The following SLC22A9 variants were observed in gnomAD, a reference collection of about 807,000 sequenced individuals.
SLC22A9 encodes solute carrier family 22 member 9.
SLC22A9 carries 64 observed loss-of-function variants against 50.1 expected under a neutral mutation model. The observed-to-expected ratio is 1.28, with a 90% confidence interval of 1.04 to 1.57. SLC22A9 has a LOEUF of 1.57. SLC22A9 is among the 40% of genes most tolerant of loss of function. The pLI, the probability that SLC22A9 is intolerant of heterozygous loss-of-function variation, is 0.00. For missense variants in SLC22A9, 757 were observed against 676.1 expected (o/e 1.12, Z -1.33); for synonymous variants, 261 against 242.5 (o/e 1.08, Z -0.71).
chr11:63,374,072 TG>T lies in SLC22A9; in HGVS notation c.830+11del, dbSNP rs1160749257. ...TCTTTCTGACCTCAAGGTATGAGTTTGTTTCTTCTTTTGTCTTAATGAGATA... is the reference window on the plus strand; with the variant it reads ...TCTTTCTGACCTCAAGGTATGAGTTTTTTCTTCTTTTGTCTTAATGAGATA... On this transcript the variant is annotated intron_variant, in intron 4 of 9. Transcript: ENST00000279178. 6.3e-7 allele frequency: 1 copy of T among 1,597,594 alleles called. No individual in the cohort carries two copies. The highest frequency in any genetic ancestry group is 1.3e-5 in the African/African-American group (1 of 74,238).
rs576893392 is a variant in SLC22A9 at position 63,388,554 on chromosome 11, G to C, written c.1073+6277G>C. On this transcript the variant is annotated intron_variant, in intron 6 of 9. Transcript: ENST00000279178. ...AGTAATAATTAATCATTGTTTTAAT[G>C]TGTTGTTGAATTCAGTTTTCTAGTA... 3.4e-3 allele frequency among the ~76,000 whole-genome samples: 522 copies of C among 151,998 alleles called. 4 individuals are homozygous for C. Among genetic ancestry groups the C allele is most frequent in the African/African-American group, 0.012 (494 of 41,450 alleles).
chr11:63,403,156 A>G (rs2014978357), intron 6 of SLC22A9, among the ~76,000 whole-genome samples: 1 of 152,148 alleles, frequency 6.6e-6, no homozygotes, highest in Non-Finnish European at 1.5e-5. Context: ...AAAGAATTCC[A>G]TATTAATCCA....
chr11:63,370,726 T>C (rs2014340245), intron 1 of SLC22A9, among the ~76,000 whole-genome samples: 3 of 152,208 alleles, frequency 2.0e-5, no homozygotes, highest in Admixed American at 1.3e-4. Context: ...GTTAAAATGT[T>C]CTGCTAGGTC....
chr11:63,392,424 A>G (rs756510488), intron 6 of SLC22A9, among the ~76,000 whole-genome samples: 16 of 151,792 alleles, frequency 1.1e-4, no homozygotes, highest in African/African-American at 3.6e-4. Context: ...ATCCCTCAGT[A>G]TTTGTTTTTC....
In SLC22A9 at chr11:63,370,204, TG is replaced by T; in HGVS notation, c.151del (p.Val51SerfsTer23). On this transcript the variant is annotated frameshift_variant, in exon 1 of 10. Transcript: ENST00000279178. LOFTEE classifies it high-confidence loss of function. ...TGCATTCATACCTGGCCATCGCTGC[TG>T]GGTCCACATCCTGGACAATGACACT... ...FTAFIPGHRC[W>X]VHILDNDTVS... 1.9e-6 allele frequency: 3 copies of T among 1,614,080 alleles called. No individual in the cohort carries two copies. The highest frequency in any genetic ancestry group is 2.5e-6 in the Non-Finnish European group (3 of 1,179,932).
chr11:63,399,584 C>T (rs953819856), intron 6 of SLC22A9, among the ~76,000 whole-genome samples: 2 of 152,002 alleles, frequency 1.3e-5, no homozygotes, highest in African/African-American at 4.8e-5. Context: ...AGATAGACCC[C>T]AGTACAAAAA....
chr11:63,373,787 C>T lies in SLC22A9; in HGVS notation c.650C>T (p.Thr217Ile), dbSNP rs1306891183. Residue 217 changes from threonine (T) to isoleucine (I), a missense_variant, in exon 3 of 10, where the codon ACT (threonine) becomes ATT (isoleucine). Transcript: ENST00000279178. Reference sequence around the variant, plus strand: ...GCTGCAATGAGCCTCATAACAAATACTATTATGTTAAGTAAGCCAACACTT... The same window carrying T: ...GCTGCAATGAGCCTCATAACAAATATTATTATGTTAAGTAAGCCAACACTT... The part of the protein sequence containing the change: ...GIAAMSLITN[T>I]IMLIAEWATH... 2 of 1,608,642 alleles carry T rather than the reference C, an allele frequency of 1.2e-6. No homozygotes were observed. Among genetic ancestry groups the T allele is most frequent in the Non-Finnish European group, 1.7e-6 (2 of 1,177,858 alleles).
intron 4 of SLC22A9, among the ~76,000 whole-genome samples, chr11:63,374,854 GT>G (rs562474564): frequency 1.6e-4 from 25 of 152,192 alleles, no homozygotes; most frequent in African/African-American, 5.1e-4. Context: ...GAGCTGCATG[GT>G]TTCTTCAATT....
intron 8 of SLC22A9, 92 bp downstream of exon 8, chr11:63,408,312 A>C (rs1302973178): frequency 6.1e-6 from 6 of 982,806 alleles, no homozygotes; most frequent in African/African-American, 1.6e-5. Context: ...AGACTGGTTC[A>C]TTAAGAAAAT....
chr11:63,400,335 A>G (rs2014932094), intron 6 of SLC22A9, among the ~76,000 whole-genome samples: 1 of 152,116 alleles, frequency 6.6e-6, no homozygotes, highest in Non-Finnish European at 1.5e-5. Context: ...ATTACAACTG[A>G]CATCACAGAA....
chr11:63,409,020 T>A, intron 9 of SLC22A9, 141 bp downstream of exon 9: 2 of 879,444 alleles, frequency 2.3e-6, no homozygotes, highest in Non-Finnish European at 3.7e-6. Flanking sequence ...GCCTTAGGTC[T>A]AGGTACAGCC....
chr11:63,387,255 T>C (rs999604747), intron 6 of SLC22A9, among the ~76,000 whole-genome samples: 1 of 152,118 alleles, frequency 6.6e-6, no homozygotes, highest in Non-Finnish European at 1.5e-5. Context: ...TTTTTTCTTG[T>C]AGCAGTTTCA....
intron 2 of SLC22A9, among the ~76,000 whole-genome samples, chr11:63,371,573 C>T (rs2014360418): frequency 6.6e-6 from 1 of 152,092 alleles, no homozygotes. Context: ...TCAGCCTTGG[C>T]CAGGAGTACC....
At chr11:63,402,567 C>A (rs781059610) in intron 6 of SLC22A9, among the ~76,000 whole-genome samples, 111 of 151,796 alleles carry the variant, frequency 7.3e-4, no homozygotes, top group Admixed American at 2.8e-3. Flanking sequence ...CACTCTGTTC[C>A]TTTTGTTTAG....
intron 6 of SLC22A9, among the ~76,000 whole-genome samples, chr11:63,396,401 G>T (rs1190087799): frequency 2.0e-5 from 3 of 152,144 alleles, no homozygotes; most frequent in Non-Finnish European, 2.9e-5. Flanking sequence ...ATTTCTCTTG[G>T]CTCTCTAAAT....
chr11:63,386,517 T>C (rs183954396), intron 6 of SLC22A9, among the ~76,000 whole-genome samples: 385 of 148,374 alleles, frequency 2.6e-3, no homozygotes, highest in Non-Finnish European at 4.1e-3. Flanking sequence ...TATTGGTCTA[T>C]TCAGGGATTC....
At chr11:63,370,498 G>T in intron 1 of SLC22A9, 40 bp downstream of exon 1, 1 of 1,520,680 alleles carries the variant, frequency 6.6e-7, no homozygotes, top group South Asian at 1.3e-5. Context: ...ATGTGACCTG[G>T]GTGTTTAGAA....
intron 6 of SLC22A9, among the ~76,000 whole-genome samples, chr11:63,395,825 G>C (rs530660019): frequency 6.6e-6 from 1 of 152,218 alleles, no homozygotes; most frequent in South Asian, 2.1e-4. Flanking sequence ...GCTATCAGGT[G>C]GGGGCAGGAC....
intron 6 of SLC22A9, among the ~76,000 whole-genome samples, chr11:63,403,808 AAAATAAAT>A (rs577559288): frequency 5.9e-5 from 9 of 151,974 alleles, no homozygotes; most frequent in Admixed American, 5.3e-4. Context: ...ATCATTATCA[AAAATAAAT>A]AAATAAATCA....
Sources: gnomAD v4.1 joint callset for allele counts (sites outside exome capture counted in the v4.1 genomes callset) on GRCh38, gnomAD v4.1.1 for gene constraint, MANE v1.5 for transcripts, NCBI Gene and HGNC (gene_info 2026-07-23, HGNC 2026-07-21) for gene names.